Variants in MALT1 observed in about 807,000 individuals in gnomAD.
The protein encoded by MALT1 is MALT1 paracaspase.
In MALT1, 36 loss-of-function variants were observed where a neutral mutation model predicts 85.5. The observed-to-expected ratio is 0.42, with a 90% CI of 0.32 to 0.56. The LOEUF (loss-of-function observed/expected upper bound fraction) is 0.56, where lower values mean the gene tolerates loss of function less well. Among genes scored for constraint, MALT1 ranks in the 20% least tolerant of loss-of-function variants. The pLI is 0.10. For synonymous variants in MALT1, 359 were observed against 361.3 expected, an observed-to-expected ratio of 0.99 and a Z score of 0.07; for missense variants, 716 against 981.6, an observed-to-expected ratio of 0.73 and a Z score of 3.62.
intron 1 of MALT1, among the ~76,000 whole-genome samples, chr18:58,680,690 G>A (rs1467987676): frequency 6.6e-6 from 1 of 151,996 alleles, no homozygotes; most frequent in Non-Finnish European, 1.5e-5. Flanking sequence ...TGGGGAGGCC[G>A]AGGCAGGTGG....
intron 2 of MALT1, among the ~76,000 whole-genome samples, chr18:58,682,755 G>C (rs2054340731): frequency 6.6e-6 from 1 of 152,118 alleles, no homozygotes; most frequent in Non-Finnish European, 1.5e-5. Context: ...ATACTGGGGA[G>C]GTAACCAAAA....
intron 8 of MALT1, among the ~76,000 whole-genome samples, chr18:58,715,618 C>T (rs2054888482): frequency 6.6e-6 from 1 of 152,126 alleles, no homozygotes; most frequent in South Asian, 2.1e-4. Flanking sequence ...CTCTCTCTGC[C>T]TTAATTTCCT....
rs149357832 is a variant in MALT1, at chr18:58,721,106, G to A, written c.1019-1942G>A. Among the ~76,000 whole-genome samples the A allele has an allele frequency of 2.2e-4, 33 of 152,332 alleles. No homozygotes were observed. The East Asian group carries it at 5.2e-3, about 24-fold the overall frequency. On this transcript the variant is annotated intron_variant, in intron 9 of 16. Coordinates refer to ENST00000649217, the MANE Select transcript of MALT1 (RefSeq NM_006785.4). Reference sequence around the variant, plus strand: ...AAAAGAAATTTTAAAAAGGCCAGGCGTGGTGGCTCACACCTGTAATCCCAG... The same window carrying A: ...AAAAGAAATTTTAAAAAGGCCAGGCATGGTGGCTCACACCTGTAATCCCAG...
chr18:58,672,755 T>G (rs2054183850), intron 1 of MALT1: 1 of 152,266 alleles, frequency 6.6e-6, no homozygotes, highest in Admixed American at 6.5e-5. Flanking sequence ...AAGATCTCTT[T>G]AATGTCTTGG....
At chr18:58,723,579 G>C (rs556560748) in intron 10 of MALT1, among the ~76,000 whole-genome samples, 1 of 151,840 alleles carries the variant, frequency 6.6e-6, no homozygotes, top group African/African-American at 2.4e-5. Flanking sequence ...ATTCATATGC[G>C]TAAAATATTA....
chr18:58,689,641 A>T (rs914244756), intron 2 of MALT1, among the ~76,000 whole-genome samples: 1 of 151,992 alleles, frequency 6.6e-6, no homozygotes, highest in African/African-American at 2.4e-5. Flanking sequence ...GATTTTAGAG[A>T]GTGAAGGACA....
intron 2 of MALT1, among the ~76,000 whole-genome samples, chr18:58,685,660 C>G (rs1380986421): frequency 6.6e-6 from 1 of 152,192 alleles, no homozygotes; most frequent in East Asian, 1.9e-4. Flanking sequence ...GAGGTTTTTA[C>G]TCTCTGTTGC....
chr18:58,724,156 A>C (rs1317753215), intron 10 of MALT1, among the ~76,000 whole-genome samples: 1 of 152,184 alleles, frequency 6.6e-6, no homozygotes, highest in Non-Finnish European at 1.5e-5. Flanking sequence ...GTTATTTATA[A>C]TTAGATTGAT....
At chr18:58,725,095 A>C (rs1274982637) in intron 10 of MALT1, among the ~76,000 whole-genome samples, 1 of 151,634 alleles carries the variant, frequency 6.6e-6, no homozygotes, top group Non-Finnish European at 1.5e-5. Context: ...ACACCACTGC[A>C]CTTCAGCCTG....
At chr18:58,707,532 T>G (rs1014869710) in intron 4 of MALT1, among the ~76,000 whole-genome samples, 14 of 152,170 alleles carry the variant, frequency 9.2e-5, no homozygotes, top group Non-Finnish European at 1.8e-4. Flanking sequence ...CCCGTTAACC[T>G]GTCATCTACA....
At chr18:58,706,264 C>T (rs1217744360) in intron 4 of MALT1, among the ~76,000 whole-genome samples, 2 of 152,210 alleles carry the variant, frequency 1.3e-5, no homozygotes, top group Non-Finnish European at 2.9e-5. Flanking sequence ...TCAACTGATT[C>T]TCCTGCCTCA....
chr18:58,730,708 T>G (rs975586616), intron 10 of MALT1, among the ~76,000 whole-genome samples: 1 of 152,222 alleles, frequency 6.6e-6, no homozygotes, highest in Admixed American at 6.5e-5. Context: ...ACTGCAAAAC[T>G]CTTTCCAAAG....
chr18:58,681,928 C>G lies in MALT1; in HGVS notation c.376+592C>G, dbSNP rs112273097. Among the ~76,000 whole-genome samples, 183 of 152,310 alleles carry G rather than the reference C, an allele frequency of 1.2e-3. 3 individuals are homozygous for G. The highest frequency in any genetic ancestry group is 4.0e-3 in the African/African-American group (166 of 41,568). On this transcript the variant is annotated intron_variant, in intron 2 of 16. Coordinates refer to ENST00000649217, the MANE Select transcript of MALT1 (RefSeq NM_006785.4). ...AGTCCCTCTTCTCCATTCAGCTGCT[C>G]TCCTCTCAGCTGCAGATAGAGTTGG...
At chr18:58,714,541 G>A (rs547778843) in intron 8 of MALT1, among the ~76,000 whole-genome samples, 1 of 152,268 alleles carries the variant, frequency 6.6e-6, no homozygotes, top group East Asian at 1.9e-4. Context: ...AACTAGTTGG[G>A]TGGGTGCCTA....
intron 1 of MALT1, among the ~76,000 whole-genome samples, chr18:58,680,037 A>G (rs752287815): frequency 7.9e-5 from 12 of 152,202 alleles, no homozygotes; most frequent in Non-Finnish European, 1.5e-4. Context: ...AAAATTATCA[A>G]AAAATAAATG....
intron 1 of MALT1, among the ~76,000 whole-genome samples, chr18:58,678,845 G>A (rs1244734287): frequency 6.6e-6 from 1 of 152,220 alleles, no homozygotes; most frequent in Non-Finnish European, 1.5e-5. Context: ...TCTATAAAGT[G>A]TGTTTGGTGG....
chr18:58,734,270 A>G lies in MALT1; in HGVS notation c.1401-37A>G, dbSNP rs774104803. The G allele has an allele frequency of 3.2e-5, 46 of 1,424,216 alleles. 1 individual carries two copies. The Admixed American group carries it at 4.0e-4, about 12-fold the overall frequency. The allele number at this position is 1,424,216 out of a possible 1,614,324, so 88.2% of individuals were successfully genotyped here. A position where few individuals can be genotyped will look rare whatever the true frequency, so the allele number is the denominator to read the frequency against. On this transcript the variant is annotated intron_variant, in intron 11 of 16. Transcript: ENST00000649217. ...TTTTAAGAATGCTCTTTAACTTTTCATATTTCTATCTGCCCTCCTCCGCCT... is the reference window on the plus strand; with the variant it reads ...TTTTAAGAATGCTCTTTAACTTTTCGTATTTCTATCTGCCCTCCTCCGCCT...
At chr18:58,703,186 G>C (rs1207465204) in intron 4 of MALT1, among the ~76,000 whole-genome samples, 6 of 152,016 alleles carry the variant, frequency 3.9e-5, no homozygotes, top group African/African-American at 1.2e-4. Flanking sequence ...GTGAAACCCT[G>C]TCTCTACTAA....
chr18:58,710,627 AAATAAT>A (rs997790631), intron 6 of MALT1, among the ~76,000 whole-genome samples: 1 of 152,152 alleles, frequency 6.6e-6, no homozygotes, highest in African/African-American at 2.4e-5. Flanking sequence ...GTTGAATTAA[AAATAAT>A]AATAATAAAA....
Sources: gnomAD v4.1 joint callset for allele counts (sites outside exome capture counted in the v4.1 genomes callset) on GRCh38, gnomAD v4.1.1 for gene constraint, MANE v1.5 for transcripts, NCBI Gene and HGNC (gene_info 2026-07-23, HGNC 2026-07-21) for gene names.